Variants in SHB observed in about 807,000 individuals in gnomAD.
SHB encodes SH2 domain containing adaptor protein B, also known as SH2 domain-containing adapter protein B.
A neutral mutation model predicts 52.3 loss-of-function variants in SHB; 20 were observed. The ratio of observed to expected loss-of-function variants is 0.38; its 90% CI spans 0.27 to 0.56. SHB has a LOEUF of 0.56. Among genes scored for constraint, SHB ranks in the 20% least tolerant of loss-of-function variants. SHB has a pLI of 0.71. For missense variants in SHB, 825 were observed against 723.3 expected, an observed-to-expected ratio of 1.14 and a Z score of -1.61; for synonymous variants, 397 against 316.5, an observed-to-expected ratio of 1.25 and a Z score of -2.70.
At chr9:37,948,614 G>A in intron 5 of SHB, 21 bp downstream of exon 5, 1 of 1,612,418 alleles carries the variant, frequency 6.2e-7, no homozygotes, top group Middle Eastern at 1.7e-4. Context: ...GAGGGCTGGG[G>A]GTGCTCGGGG....
intron 3 of SHB, among the ~76,000 whole-genome samples, chr9:37,964,188 C>T (rs1832723797): frequency 6.6e-6 from 1 of 152,204 alleles, no homozygotes; most frequent in South Asian, 2.1e-4. Context: ...GGGCATTGTG[C>T]TGCCACTCAT....
intron 4 of SHB, among the ~76,000 whole-genome samples, chr9:37,953,240 G>A (rs150117976): frequency 6.0e-4 from 91 of 152,180 alleles, no homozygotes; most frequent in African/African-American, 1.9e-3. Context: ...GTGACAGAGA[G>A]GGGAGAAGTG....
intron 2 of SHB, among the ~76,000 whole-genome samples, chr9:37,985,979 A>G (rs575566026): frequency 6.6e-6 from 1 of 152,258 alleles, no homozygotes; most frequent in Admixed American, 6.5e-5. Context: ...AGGTTCAGAC[A>G]GGAGCAGAGG....
Position 38,068,282 on chromosome 9 carries a change from C to G in SHB, c.364G>C (p.Gly122Arg), listed in dbSNP as rs1336163628. ...LDYCGGSGEP[G>R]GVQRAFSASS... ...GCCGAGAAGGCGCGCTGGACCCCGCCTGGCTCCCCGCTGCCGCCGCAGTAG... is the reference window on the plus strand; with the variant it reads ...GCCGAGAAGGCGCGCTGGACCCCGCGTGGCTCCCCGCTGCCGCCGCAGTAG... Residue 122 changes from glycine to arginine, a missense_variant, in exon 1 of 6, where the codon GGC (glycine) becomes CGC (arginine). Coordinates refer to ENST00000377707, the MANE Select transcript of SHB (RefSeq NM_003028.3). The G allele has an allele frequency of 1.4e-6, 2 of 1,475,904 alleles. No individual in the cohort carries two copies. Among genetic ancestry groups the G allele is most frequent in the Admixed American group, 4.9e-5 (2 of 40,458 alleles). 91.4% of individuals were successfully genotyped at this position (1,475,904 alleles called of 1,614,324 possible). A position where few individuals can be genotyped will look rare whatever the true frequency, so the allele number is the denominator to read the frequency against.
rs1184549670 is a variant in SHB at position 37,915,991 on chromosome 9, C to T, written c.*3830G>A. Among the ~76,000 whole-genome samples, 2 of 152,244 alleles carry T rather than the reference C, an allele frequency of 1.3e-5. No individual in the cohort carries two copies. Among genetic ancestry groups the T allele is most frequent in the East Asian group, 3.8e-4 (2 of 5,198 alleles). Reference sequence around the variant, plus strand: ...AGATTTGGAATGTTACAAGAGACTTCAGCAGTAGGTGGCTGGTTTAAGGCT... The same window carrying T: ...AGATTTGGAATGTTACAAGAGACTTTAGCAGTAGGTGGCTGGTTTAAGGCT... On this transcript the variant is annotated 3_prime_UTR_variant, in exon 6 of 6. Coordinates refer to ENST00000377707, the MANE Select transcript of SHB (RefSeq NM_003028.3).
intron 3 of SHB, among the ~76,000 whole-genome samples, chr9:37,965,480 C>T (rs189516641): frequency 2.6e-4 from 39 of 152,280 alleles, no homozygotes; most frequent in Admixed American, 2.3e-3. Flanking sequence ...GAAAACACAC[C>T]GACTGTGTGT....
chr9:38,034,750 G>A (rs1251518510), intron 1 of SHB, among the ~76,000 whole-genome samples: 1 of 152,254 alleles, frequency 6.6e-6, no homozygotes, highest in Non-Finnish European at 1.5e-5. Context: ...AGGCTGGAGT[G>A]CAGTGGTGCG....
In SHB at chr9:38,068,313, G is replaced by A. The variant is rs560868356; in HGVS notation, c.333C>T (p.Arg111=). ...SSLRKLRAMC[R]LDYCGGSGEP... is the part of the protein sequence containing the mutation. ...CCCCGCTGCCGCCGCAGTAGTCCAG[G>A]CGGCACATGGCGCGCAGTTTGCGCA... is the stretch of plus-strand genomic sequence containing the variant. The change falls in exon 1 of 6, where the codon CGC becomes CGT. Residue 111 remains arginine (R), a synonymous_variant. Transcript: ENST00000377707. 18 of 1,522,816 alleles carry A rather than the reference G, an allele frequency of 1.2e-5. No individual in the cohort carries two copies. The highest frequency in any genetic ancestry group is 4.3e-5 in the African/African-American group (3 of 69,498). The allele number at this position is 1,522,816 out of a possible 1,614,324, so 94.3% of individuals were successfully genotyped here. A position where few individuals can be genotyped will look rare whatever the true frequency, so the allele number is the denominator to read the frequency against.
At position 38,068,691 on chromosome 9, in the gene SHB, C is replaced by G; in HGVS notation, c.-46G>C. On this transcript the variant is annotated 5_prime_UTR_variant, in exon 1 of 6. Transcript: ENST00000377707. The stretch of plus-strand genomic sequence containing the variant: ...CGCGGCGCGGGAGCCCGGTCCGCCG[C>G]CGCGGCCATTCGGGGGGCAGCGCTG... 1 of 1,248,980 alleles carries G rather than the reference C, an allele frequency of 8.0e-7. No homozygotes were observed. 77.4% of individuals were successfully genotyped at this position (1,248,980 alleles called of 1,614,324 possible). A position where few individuals can be genotyped will look rare whatever the true frequency, so the allele number is the denominator to read the frequency against.
chr9:38,049,803 T>A (rs180879065), intron 1 of SHB, among the ~76,000 whole-genome samples: 2 of 150,688 alleles, frequency 1.3e-5, no homozygotes, highest in African/African-American at 4.9e-5. Flanking sequence ...TGGGTACTTT[T>A]TTTTTTTTTT....
At chr9:38,027,925 G>C (rs545484448) in intron 1 of SHB, among the ~76,000 whole-genome samples, 1 of 150,320 alleles carries the variant, frequency 6.7e-6, no homozygotes, top group South Asian at 2.1e-4. Context: ...GCTGAGCCAA[G>C]AGGTCTCTTC....
intron 2 of SHB, among the ~76,000 whole-genome samples, chr9:38,003,779 A>G (rs1564099463): frequency 6.6e-6 from 1 of 152,202 alleles, no homozygotes; most frequent in Non-Finnish European, 1.5e-5. Flanking sequence ...TCCCCCAGTA[A>G]AGACTCACTC....
At chr9:38,054,249 C>T (rs1237961342) in intron 1 of SHB, among the ~76,000 whole-genome samples, 1 of 152,198 alleles carries the variant, frequency 6.6e-6, no homozygotes, top group Non-Finnish European at 1.5e-5. Flanking sequence ...TGGTGTATGA[C>T]CTTGTCAGCT....
chr9:38,036,889 T>C (rs541154537), intron 1 of SHB, among the ~76,000 whole-genome samples: 1 of 152,304 alleles, frequency 6.6e-6, no homozygotes, highest in South Asian at 2.1e-4. Flanking sequence ...GGATAACATG[T>C]CCAAGGTCAC....
intron 2 of SHB, chr9:38,015,578 G>C: frequency 1.5e-6 from 1 of 664,024 alleles, no homozygotes; most frequent in Non-Finnish European, 2.7e-6. Context: ...CTAGTAATCT[G>C]GCCAGCTCTC....
intron 2 of SHB, among the ~76,000 whole-genome samples, chr9:37,998,450 C>T (rs1005615113): frequency 6.6e-6 from 1 of 152,128 alleles, no homozygotes; most frequent in Non-Finnish European, 1.5e-5. Flanking sequence ...GTCTCAAAAT[C>T]CTATTTTGTT....
chr9:38,050,727 G>A (rs1444102276), intron 1 of SHB, among the ~76,000 whole-genome samples: 1 of 152,084 alleles, frequency 6.6e-6, no homozygotes, highest in Non-Finnish European at 1.5e-5. Flanking sequence ...AGAAGCTGCC[G>A]AATGTTAAGA....
At chr9:37,952,655 T>G (rs1191216225) in intron 4 of SHB, among the ~76,000 whole-genome samples, 2 of 152,068 alleles carry the variant, frequency 1.3e-5, no homozygotes, top group African/African-American at 2.4e-5. Flanking sequence ...AATAATGGAT[T>G]CTGGTGGTAC....
intron 1 of SHB, among the ~76,000 whole-genome samples, chr9:38,039,333 T>C (rs1821537946): frequency 6.6e-6 from 1 of 152,252 alleles, no homozygotes; most frequent in Non-Finnish European, 1.5e-5. Context: ...GCATTTTGAA[T>C]GATAAGCACA....
Sources: allele counts gnomAD v4.1 joint callset (sites outside exome capture counted in the v4.1 genomes callset), GRCh38; gene constraint gnomAD v4.1.1; transcripts MANE v1.5; gene names NCBI Gene and HGNC (gene_info 2026-07-23, HGNC 2026-07-21).